The following ADAMTS17 variants were observed in gnomAD, a reference collection of about 807,000 sequenced individuals.
ADAMTS17 encodes the protein ADAM metallopeptidase with thrombospondin type 1 motif 17, also known as A disintegrin and metalloproteinase with thrombospondin motifs 17.
ADAMTS17 carries 113 observed loss-of-function variants against 141.5 expected under a neutral mutation model. The observed-to-expected ratio is 0.80, with a 90% CI of 0.69 to 0.93. ADAMTS17 has a LOEUF of 0.93. Among genes scored for constraint, ADAMTS17 ranks in the 40% least tolerant of loss-of-function variants. The pLI, the probability that ADAMTS17 is intolerant of heterozygous loss-of-function variation, is 0.00. For synonymous variants in ADAMTS17, 768 were observed against 630.6 expected, an observed-to-expected ratio of 1.22 and a Z score of -3.27; for missense variants, 1,659 against 1,517.9, an observed-to-expected ratio of 1.09 and a Z score of -1.54.
intron 15 of ADAMTS17, among the ~76,000 whole-genome samples, chr15:100,069,055 G>C (rs997573188): frequency 4.6e-5 from 7 of 152,254 alleles, no homozygotes; most frequent in Admixed American, 1.3e-4. Context: ...TAAAGGACCT[G>C]AGGGAGCTGA....
chr15:100,141,609 G>A (rs1298001193), intron 10 of ADAMTS17, among the ~76,000 whole-genome samples: 2 of 152,160 alleles, frequency 1.3e-5, no homozygotes, highest in African/African-American at 2.4e-5. Flanking sequence ...TGAGTCCTGG[G>A]AGGGCCACTC....
At chr15:100,134,324 C>G (rs1221775588) in intron 10 of ADAMTS17, among the ~76,000 whole-genome samples, 1 of 152,218 alleles carries the variant, frequency 6.6e-6, no homozygotes, top group East Asian at 1.9e-4. Flanking sequence ...GATCACTTCC[C>G]AGATAAACTA....
intron 18 of ADAMTS17, among the ~76,000 whole-genome samples, chr15:100,035,123 G>A (rs1286187800): frequency 6.6e-6 from 1 of 152,162 alleles, no homozygotes; most frequent in African/African-American, 2.4e-5. Flanking sequence ...AGGGTGCTCA[G>A]CTTTCAAAAG....
chr15:100,235,601 G>A (rs1437714892), intron 7 of ADAMTS17, among the ~76,000 whole-genome samples: 1 of 152,170 alleles, frequency 6.6e-6, no homozygotes, highest in Non-Finnish European at 1.5e-5. Flanking sequence ...CGAGGAAGCT[G>A]AGAATGTGCA....
At chr15:100,292,246 G>C (rs996721733) in intron 3 of ADAMTS17, among the ~76,000 whole-genome samples, 8 of 151,958 alleles carry the variant, frequency 5.3e-5, no homozygotes, top group Non-Finnish European at 1.2e-4. Context: ...CGCTCACCCC[G>C]TGAGAAACTA....
chr15:100,250,061 T>C (rs924354572), intron 7 of ADAMTS17, among the ~76,000 whole-genome samples: 8 of 152,230 alleles, frequency 5.3e-5, no homozygotes, highest in African/African-American at 1.2e-4. Flanking sequence ...GCAAATGTTA[T>C]GTGTATTTTA....
At chr15:100,225,646 A>T (rs1345982601) in intron 7 of ADAMTS17, among the ~76,000 whole-genome samples, 1 of 149,848 alleles carries the variant, frequency 6.7e-6, no homozygotes, top group African/African-American at 2.5e-5. Flanking sequence ...CAGTCCTTAC[A>T]GCAGTCACGG....
At chr15:99,992,663 G>T (rs562882225) in intron 20 of ADAMTS17, among the ~76,000 whole-genome samples, 1 of 152,106 alleles carries the variant, frequency 6.6e-6, no homozygotes, top group Admixed American at 6.5e-5. Context: ...CAGGGGTCCC[G>T]GGAGTGAATG....
chr15:100,219,622 C>T (rs2042071333), intron 7 of ADAMTS17, among the ~76,000 whole-genome samples: 2 of 152,136 alleles, frequency 1.3e-5, no homozygotes, highest in African/African-American at 4.8e-5. Flanking sequence ...ATCCAGAGAC[C>T]CTGGAATTTC....
chr15:100,076,978 C>T (rs921379503), intron 15 of ADAMTS17, among the ~76,000 whole-genome samples: 1 of 151,950 alleles, frequency 6.6e-6, no homozygotes, highest in Non-Finnish European at 1.5e-5. Context: ...TACTAATGGA[C>T]ATTTAGGTTG....
chr15:100,035,441 C>G (rs867113319), intron 18 of ADAMTS17, among the ~76,000 whole-genome samples: 3 of 152,208 alleles, frequency 2.0e-5, no homozygotes, highest in African/African-American at 7.2e-5. Context: ...CTGGCCACGA[C>G]TTTGGTTACG....
chr15:100,078,554 C>G (rs761099413), intron 15 of ADAMTS17, among the ~76,000 whole-genome samples: 7 of 151,794 alleles, frequency 4.6e-5, no homozygotes, highest in Non-Finnish European at 5.9e-5. Flanking sequence ...TCAGACCATA[C>G]AAAAAAATTA....
At position 100,281,101 on chromosome 15, in the gene ADAMTS17, C is replaced by T. The variant is rs564200227; in HGVS notation, c.789+128G>A. On this transcript the variant is annotated intron_variant, in intron 4 of 21. Coordinates refer to ENST00000268070, the MANE Select transcript of ADAMTS17 (RefSeq NM_139057.4). The stretch of plus-strand genomic sequence containing the variant: ...CTCCTCAATGCCCAGAATTACCAGG[C>T]TATGTTCCCGTATCCCCAACCCAGC... 26 of 1,334,232 alleles carry T rather than the reference C, an allele frequency of 1.9e-5. 1 individual carries two copies. The Admixed American group carries it at 4.4e-4, about 23-fold the overall frequency. The allele number at this position is 1,334,232 out of a possible 1,614,324, so 82.6% of individuals were successfully genotyped here.
At chr15:100,001,973 T>C (rs2060932444) in intron 18 of ADAMTS17, among the ~76,000 whole-genome samples, 1 of 28,072 alleles carries the variant, frequency 3.6e-5, no homozygotes. Flanking sequence ...CGAGACTCAG[T>C]CTCAAAAAAA....
intron 8 of ADAMTS17, among the ~76,000 whole-genome samples, chr15:100,176,875 T>C (rs1048177212): frequency 2.6e-5 from 4 of 152,270 alleles, no homozygotes; most frequent in African/African-American, 4.8e-5. Flanking sequence ...TATGTATGCT[T>C]TTGAAACTAG....
chr15:100,228,819 C>T (rs1269349000), intron 7 of ADAMTS17, among the ~76,000 whole-genome samples: 3 of 152,164 alleles, frequency 2.0e-5, no homozygotes, highest in South Asian at 2.1e-4. Context: ...TGCTCACTAG[C>T]CCCCCAACCC....
chr15:100,336,235 C>T (rs2046205062), intron 2 of ADAMTS17, among the ~76,000 whole-genome samples: 1 of 152,188 alleles, frequency 6.6e-6, no homozygotes, highest in Admixed American at 6.5e-5. Context: ...GGAGTCAGCC[C>T]AGCCCTGGAG....
chr15:100,092,142 G>A (rs1203107184), intron 15 of ADAMTS17, among the ~76,000 whole-genome samples: 3 of 152,198 alleles, frequency 2.0e-5, no homozygotes, highest in African/African-American at 4.8e-5. Context: ...CAGAGCACAC[G>A]GTGTGCTTGA....
chr15:100,058,263 G>GCTCTTA lies in ADAMTS17; in HGVS notation c.2138-4210_2138-4209insTAAGAG, dbSNP rs1567101913. ...GCTCTGACCCTCCTATCCCGGCTCT[G>GCTCTTA]ACACCCCTATCCCGGCTCTAACCCT... On this transcript the variant is annotated intron_variant, in intron 15 of 21. Transcript: ENST00000268070. Among the ~76,000 whole-genome samples the GCTCTTA allele has an allele frequency of 3.3e-3, 103 of 30,814 alleles. 20 individuals are homozygous for GCTCTTA. The highest frequency in any genetic ancestry group is 0.025 in the African/African-American group (93 of 3,676). 20.2% of individuals were successfully genotyped at this position (30,814 alleles called of 152,430 possible).
Sources: gnomAD v4.1 joint callset for allele counts (sites outside exome capture counted in the v4.1 genomes callset) on GRCh38, gnomAD v4.1.1 for gene constraint, MANE v1.5 for transcripts, NCBI Gene and HGNC (gene_info 2026-07-23, HGNC 2026-07-21) for gene names.